The following CRACD variants were observed in gnomAD, a reference collection of about 807,000 sequenced individuals.
CRACD encodes capping protein-inhibiting regulator of actin dynamics.
A neutral mutation model predicts 106.8 loss-of-function variants in CRACD; 56 were observed. That is an observed-to-expected ratio of 0.52 (90% CI 0.42 to 0.66). The LOEUF is 0.66. CRACD is among the 30% of genes least tolerant of loss of function. The probability of loss-of-function intolerance (pLI) is 0.00; values close to 1 mark genes in which losing one functional copy is unlikely to be tolerated. For synonymous variants in CRACD, 754 were observed against 670.8 expected (o/e 1.12, Z -1.92); for missense variants, 1,730 against 1,623.2 (o/e 1.07, Z -1.13).
chr4:56,315,943 C>G lies in CRACD; in HGVS notation c.2441C>G (p.Thr814Arg). 6.2e-7 allele frequency: 1 copy of G among 1,614,216 alleles called. No individual in the cohort carries two copies. The highest frequency in any genetic ancestry group is 8.5e-7 in the Non-Finnish European group (1 of 1,180,046). Residue 814 changes from threonine (T) to arginine (R), a missense_variant, in exon 8 of 11, where the codon ACA becomes AGA. By Grantham distance (71) the Thr-to-Arg change is moderately conservative (BLOSUM62 -1). Transcript: ENST00000682029. The surrounding 1 kb of genome is among the most constrained non-coding windows in gnomAD (Gnocchi z 4.1). ...PYPPQKVVAHTEFTTSSDSET... is the reference protein window; with the variant it reads ...PYPPQKVVAHREFTTSSDSET... ...CCTCCGCAGAAAGTGGTGGCCCACA[C>G]AGAGTTCACGACCTCGTCGGACAGC...
In CRACD at chr4:56,057,825, T is replaced by G. The variant is rs1223306538; in HGVS notation, c.-336+8526T>G. Among the ~76,000 whole-genome samples, 6 of 58,970 alleles carry G rather than the reference T, an allele frequency of 1.0e-4. 1 individual carries two copies. Among genetic ancestry groups the G allele is most frequent in the East Asian group, 5.5e-4 (2 of 3,664 alleles). 38.7% of individuals were successfully genotyped at this position (58,970 alleles called of 152,430 possible). On this transcript the variant is annotated intron_variant, in intron 1 of 10. Coordinates refer to ENST00000682029, the MANE Select transcript of CRACD (RefSeq NM_001393381.1). The stretch of plus-strand genomic sequence containing the variant: ...TTTTTTTTTTTTTTGTTTTTTTTTT[T>G]TTTTTTTTTTTGAGACGGAGTCTCG...
At chr4:56,297,337 C>A (rs1335954479) in intron 3 of CRACD, among the ~76,000 whole-genome samples, 1 of 152,174 alleles carries the variant, frequency 6.6e-6, no homozygotes, top group Middle Eastern at 3.2e-3. Flanking sequence ...TTTAGCTGGG[C>A]TTAGTGGCTC....
intron 1 of CRACD, among the ~76,000 whole-genome samples, chr4:56,061,765 A>T (rs1012368723): frequency 6.6e-6 from 1 of 152,208 alleles, no homozygotes; most frequent in African/African-American, 2.4e-5. Flanking sequence ...TTCTAGATAG[A>T]GTAGCCCAGA....
chr4:56,190,215 A>G (rs980181293), intron 2 of CRACD, among the ~76,000 whole-genome samples: 22 of 151,860 alleles, frequency 1.4e-4, no homozygotes, highest in Non-Finnish European at 2.2e-4. Flanking sequence ...AATCCAGTCT[A>G]TCATTGTTGG....
At chr4:56,138,828 T>A (rs1229482517) in intron 1 of CRACD, among the ~76,000 whole-genome samples, 1 of 152,188 alleles carries the variant, frequency 6.6e-6, no homozygotes, top group Admixed American at 6.5e-5. Context: ...AAATAACCTG[T>A]CCCTCTTTTA....
intron 4 of CRACD, among the ~76,000 whole-genome samples, chr4:56,303,232 C>A (rs1158110594): frequency 5.9e-5 from 9 of 152,118 alleles, no homozygotes; most frequent in African/African-American, 2.2e-4. Context: ...GTAATCCCAG[C>A]TACTCGGGAG....
intron 2 of CRACD, among the ~76,000 whole-genome samples, chr4:56,217,067 G>T (rs137945071): frequency 2.0e-5 from 3 of 149,088 alleles, no homozygotes; most frequent in Admixed American, 6.7e-5. Context: ...GAATATTTTT[G>T]ATTAACATTC....
intron 2 of CRACD, among the ~76,000 whole-genome samples, chr4:56,230,847 T>C (rs774267574): frequency 4.6e-5 from 7 of 152,174 alleles, no homozygotes; most frequent in Non-Finnish European, 1.0e-4. Context: ...TATAACAACA[T>C]AAATAAGTTT....
intron 2 of CRACD, among the ~76,000 whole-genome samples, chr4:56,236,490 G>A (rs1209201271): frequency 6.6e-6 from 1 of 152,120 alleles, no homozygotes; most frequent in East Asian, 1.9e-4. Context: ...TCAAAATTCA[G>A]CACTGGATAT....
At chr4:56,145,292 C>G (rs1224486033) in intron 1 of CRACD, among the ~76,000 whole-genome samples, 1 of 152,140 alleles carries the variant, frequency 6.6e-6, no homozygotes, top group Non-Finnish European at 1.5e-5. Flanking sequence ...AATGCTATTC[C>G]AAAGAATGCT....
At chr4:56,163,083 G>T (rs1383478427) in intron 1 of CRACD, among the ~76,000 whole-genome samples, 1 of 152,142 alleles carries the variant, frequency 6.6e-6, no homozygotes. Flanking sequence ...CTGGGGCATG[G>T]CCTCTTCACC....
chr4:56,285,444 CT>C (rs11325494), intron 3 of CRACD, among the ~76,000 whole-genome samples: 128,975 of 150,306 alleles, frequency 0.86, 56,244 homozygotes, highest in Non-Finnish European at 0.94. Flanking sequence ...TAGATAATAA[CT>C]TTTTTTTTTT....
At chr4:56,146,076 C>T (rs1735368574) in intron 1 of CRACD, among the ~76,000 whole-genome samples, 1 of 152,080 alleles carries the variant, frequency 6.6e-6, no homozygotes, top group Non-Finnish European at 1.5e-5. Context: ...TGACTTCATC[C>T]TATACATTTT....
intron 2 of CRACD, among the ~76,000 whole-genome samples, chr4:56,265,975 A>G (rs1291627045): frequency 6.6e-6 from 1 of 152,178 alleles, no homozygotes; most frequent in Non-Finnish European, 1.5e-5. Context: ...TAATTTTTAG[A>G]ATCTTCTATA....
chr4:56,324,331 T>C (rs1746297728), intron 10 of CRACD, 65 bp downstream of exon 10: 1 of 1,479,294 alleles, frequency 6.8e-7, no homozygotes, highest in African/African-American at 1.4e-5. Flanking sequence ...GCGTGCTTTA[T>C]ATCCTACAGT....
rs190593941 is a variant in CRACD, at chr4:56,136,378, G to T, written c.-335-42906G>T. Reference sequence around the variant, plus strand: ...TCTGTGCCATTACACATTCTCACTAGCAGTATATGGAGGTCCGGTTGCTCC... The same window carrying T: ...TCTGTGCCATTACACATTCTCACTATCAGTATATGGAGGTCCGGTTGCTCC... On this transcript the variant is annotated intron_variant, in intron 1 of 10. Transcript: ENST00000682029. Among the ~76,000 whole-genome samples, 459 of 152,286 alleles carry T rather than the reference G, an allele frequency of 3.0e-3. 1 individual carries two copies. The highest frequency in any genetic ancestry group is 8.6e-3 in the Admixed American group (131 of 15,286).
chr4:56,221,938 G>A (rs1739061988), intron 2 of CRACD, among the ~76,000 whole-genome samples: 1 of 152,170 alleles, frequency 6.6e-6, no homozygotes, highest in Non-Finnish European at 1.5e-5. Flanking sequence ...TACACTGCTG[G>A]TGGGAATGTA....
intron 2 of CRACD, among the ~76,000 whole-genome samples, chr4:56,200,433 G>A (rs911887689): frequency 6.6e-6 from 1 of 152,144 alleles, no homozygotes; most frequent in Admixed American, 6.6e-5. Context: ...CATAATGGGA[G>A]CATTGATCAC....
chr4:56,101,779 A>AT, intron 1 of CRACD, among the ~76,000 whole-genome samples: 1 of 151,214 alleles, frequency 6.6e-6, no homozygotes, highest in Non-Finnish European at 1.5e-5. Flanking sequence ...AAAAAAAAAA[A>AT]GAATGTGTTA....
Sources: allele counts gnomAD v4.1 joint callset (sites outside exome capture counted in the v4.1 genomes callset), GRCh38; gene constraint gnomAD v4.1.1; non-coding constraint Gnocchi (gnomAD v3.1); transcripts MANE v1.5; gene names NCBI Gene and HGNC (gene_info 2026-07-23, HGNC 2026-07-21).